LAMA2: variants seen among roughly 807,000 people sequenced by gnomAD.
LAMA2 encodes the protein laminin subunit alpha 2.
A neutral mutation model predicts 364.8 loss-of-function variants in LAMA2; 269 were observed. That is an observed-to-expected ratio of 0.74 (90% CI 0.67 to 0.82). The LOEUF (loss-of-function observed/expected upper bound fraction) is 0.82, where lower values mean the gene tolerates loss of function less well. LAMA2 is among the 40% of genes least tolerant of loss of function. The pLI is 0.00. For missense variants in LAMA2, 3,807 were observed against 3,873.2 expected (o/e 0.98, Z 0.45); for synonymous variants, 1,379 against 1,370.6 (o/e 1.01, Z -0.14).
chr6:129,408,088 G>A (rs1780336736), intron 40 of LAMA2, among the ~76,000 whole-genome samples: 1 of 152,180 alleles, frequency 6.6e-6, no homozygotes, highest in Admixed American at 6.5e-5. Context: ...TAGGCCAGCA[G>A]AACATAATGT....
At chr6:129,311,277 A>T (rs1774209488) in intron 22 of LAMA2, among the ~76,000 whole-genome samples, 2 of 151,742 alleles carry the variant, frequency 1.3e-5, no homozygotes, top group South Asian at 4.2e-4. Flanking sequence ...GTCCGCCACC[A>T]CGCCCGGCTA....
At chr6:129,136,140 A>G (rs1777778028) in intron 4 of LAMA2, among the ~76,000 whole-genome samples, 2 of 152,020 alleles carry the variant, frequency 1.3e-5, no homozygotes, top group African/African-American at 4.8e-5. Context: ...GTCATGCCCA[A>G]TGGGAACGAT....
chr6:129,300,451 A>G (rs1392661520), intron 21 of LAMA2, among the ~76,000 whole-genome samples: 1 of 152,218 alleles, frequency 6.6e-6, no homozygotes, highest in Non-Finnish European at 1.5e-5. Flanking sequence ...ATGGAATCTG[A>G]TAACACCAAT....
intron 9 of LAMA2, among the ~76,000 whole-genome samples, chr6:129,171,332 T>G (rs1780138828): frequency 1.3e-5 from 2 of 152,214 alleles, no homozygotes; most frequent in African/African-American, 4.8e-5. Context: ...CTTTCCATGT[T>G]TAGTGCTTCC....
intron 1 of LAMA2, among the ~76,000 whole-genome samples, chr6:128,930,325 C>T (rs1412247505): frequency 6.6e-6 from 1 of 152,212 alleles, no homozygotes; most frequent in African/African-American, 2.4e-5. Context: ...CTGAAATATT[C>T]ATAGATATTG....
chr6:129,454,882 G>A (rs1005541693), intron 47 of LAMA2, among the ~76,000 whole-genome samples: 2 of 151,956 alleles, frequency 1.3e-5, no homozygotes, highest in African/African-American at 4.8e-5. Context: ...TTCTCTTCTT[G>A]TTTTCCCAAT....
At chr6:128,996,918 C>A (rs1420999255) in intron 1 of LAMA2, among the ~76,000 whole-genome samples, 3 of 152,152 alleles carry the variant, frequency 2.0e-5, no homozygotes, top group African/African-American at 7.2e-5. Flanking sequence ...AAATGTGGCA[C>A]ATATACACCA....
chr6:128,897,199 TA>T (rs939005871), intron 1 of LAMA2, among the ~76,000 whole-genome samples: 18 of 152,262 alleles, frequency 1.2e-4, no homozygotes, highest in Admixed American at 7.2e-4. Flanking sequence ...GGGCTTCCTT[TA>T]GTGACATACT....
At chr6:129,116,420 A>C (rs1442401372) in intron 4 of LAMA2, among the ~76,000 whole-genome samples, 1 of 152,148 alleles carries the variant, frequency 6.6e-6, no homozygotes, top group Non-Finnish European at 1.5e-5. Flanking sequence ...AAAATTATTC[A>C]CCTTAAAAGA....
At chr6:129,154,440 G>C in intron 7 of LAMA2, 65 bp from the exon 8 acceptor site, 1 of 1,429,238 alleles carries the variant, frequency 7.0e-7, no homozygotes, top group Non-Finnish European at 9.8e-7. Flanking sequence ...ATGTATAACA[G>C]AAATGATTTT....
intron 1 of LAMA2, among the ~76,000 whole-genome samples, chr6:128,914,731 A>C (rs887744369): frequency 5.3e-5 from 8 of 152,198 alleles, no homozygotes; most frequent in Non-Finnish European, 1.2e-4. Context: ...TGCTAATCAG[A>C]TAATTCTTTT....
intron 1 of LAMA2, among the ~76,000 whole-genome samples, chr6:128,932,777 C>G (rs1408537468): frequency 6.6e-6 from 1 of 152,116 alleles, no homozygotes; most frequent in Non-Finnish European, 1.5e-5. Flanking sequence ...GAAATGATTA[C>G]CACAACCAAA....
chr6:128,886,317 G>T (rs1368971255), intron 1 of LAMA2, among the ~76,000 whole-genome samples: 1 of 152,068 alleles, frequency 6.6e-6, no homozygotes, highest in Non-Finnish European at 1.5e-5. Context: ...GTCCATTTGT[G>T]CTCTTCTGGA....
chr6:129,204,789 T>TA (rs933101509), intron 12 of LAMA2, among the ~76,000 whole-genome samples: 4 of 152,050 alleles, frequency 2.6e-5, no homozygotes, highest in Non-Finnish European at 5.9e-5. Context: ...TATATATATA[T>TA]AAAACAAATA....
Position 129,081,629 on chromosome 6 carries a change from A to G in LAMA2, c.397-16544A>G, listed in dbSNP as rs375106182. Among the ~76,000 whole-genome samples, 9 of 152,308 alleles carry G rather than the reference A, an allele frequency of 5.9e-5. No individual in the cohort carries two copies. The South Asian group carries it at 1.7e-3, about 28-fold the overall frequency. On this transcript the variant is annotated intron_variant, in intron 3 of 64. Coordinates refer to ENST00000421865, the MANE Select transcript of LAMA2 (RefSeq NM_000426.4). ...ATTTGAGAAAGATTATCATTGGTCC[A>G]TTTTGTCAAAATCATTTCCAGAAGT...
At chr6:129,173,984 T>TTTCA (rs1780392452) in intron 9 of LAMA2, among the ~76,000 whole-genome samples, 1 of 152,234 alleles carries the variant, frequency 6.6e-6, no homozygotes, top group East Asian at 1.9e-4. Flanking sequence ...AATAATCAGT[T>TTTCA]TTCAGATTTG....
chr6:129,423,520 C>A (rs976508976), intron 40 of LAMA2, among the ~76,000 whole-genome samples: 1 of 151,626 alleles, frequency 6.6e-6, no homozygotes, highest in Non-Finnish European at 1.5e-5. Context: ...AAGACCTCAT[C>A]TCTACAACCA....
Position 129,221,153 on chromosome 6 carries a change from A to C in LAMA2, c.1782+28300A>C, listed in dbSNP as rs1480007594. On this transcript the variant is annotated intron_variant, in intron 12 of 64. Transcript: ENST00000421865. ...ACTCCAGCCTGGGAGACAGAGCAAG[A>C]CTCCATCTCAAAAAAAAAATAAAAA... Among the ~76,000 whole-genome samples the C allele has an allele frequency of 2.4e-5, 3 of 124,458 alleles. No homozygotes were observed. The Admixed American group carries it at 2.8e-4, about 12-fold the overall frequency. The allele number at this position is 124,458 out of a possible 152,430, so 81.6% of individuals were successfully genotyped here. A position where few individuals can be genotyped will look rare whatever the true frequency, so the allele number is the denominator to read the frequency against.
intron 22 of LAMA2, 151 bp downstream of exon 22, chr6:129,301,023 T>C: frequency 1.4e-6 from 1 of 729,306 alleles, no homozygotes; most frequent in Non-Finnish European, 2.4e-6. Flanking sequence ...ATCAATATCT[T>C]ACAGTTTACT....
Sources: gnomAD v4.1 joint callset for allele counts (sites outside exome capture counted in the v4.1 genomes callset) on GRCh38, gnomAD v4.1.1 for gene constraint, MANE v1.5 for transcripts, NCBI Gene and HGNC (gene_info 2026-07-23, HGNC 2026-07-21) for gene names.